The following RP1 variants were observed in gnomAD, a reference collection of about 807,000 sequenced individuals.
The protein encoded by RP1 is RP1 axonemal microtubule associated.
In RP1, 16 loss-of-function variants were observed where a neutral mutation model predicts 14.8. The observed-to-expected ratio is 1.08, with a 90% CI of 0.73 to 1.65. RP1 has a LOEUF of 1.65. Among genes scored for constraint, RP1 ranks in the 40% most tolerant of loss-of-function variants. The probability of loss-of-function intolerance (pLI) is 0.00; values close to 1 mark genes in which losing one functional copy is unlikely to be tolerated. For missense variants in RP1, 2,631 were observed against 2,535.0 expected (o/e 1.04, Z -0.81); for synonymous variants, 876 against 883.6 (o/e 0.99, Z 0.15).
intron 1 of RP1, among the ~76,000 whole-genome samples, chr8:54,573,423 T>C (rs538259163): frequency 6.6e-6 from 1 of 152,220 alleles, no homozygotes; most frequent in African/African-American, 2.4e-5. Context: ...AGACCAAAAA[T>C]AAAAACCTCA....
rs116711455 is a variant in RP1, at chr8:54,731,826, T to A, written c.2522-2719T>A. 2.8e-3 allele frequency among the ~76,000 whole-genome samples: 428 copies of A among 152,282 alleles called. 1 individual carries two copies. Among genetic ancestry groups the A allele is most frequent in the African/African-American group, 9.6e-3 (398 of 41,554 alleles). ...ACTAAATAACTGTGGTCTCTTGATT[T>A]CATTTCAGAGTTTGTTTCTTTGTAT... On this transcript the variant is annotated intron_variant, in intron 17 of 22. Coordinates refer to the RP1 transcript ENST00000636932.
chr8:54,837,433 T>A, intron 24 of RP1: 2 of 1,155,658 alleles, frequency 1.7e-6, no homozygotes, highest in Non-Finnish European at 2.2e-6. Context: ...AGTTCCCTTT[T>A]ATCCTTTGTG....
At chr8:54,734,628 A>T in exon 18 of RP1, 3 of 1,535,754 alleles carry the variant, frequency 2.0e-6, no homozygotes, top group Non-Finnish European at 2.6e-6. Context: ...AAATACAGGA[A>T]CTCAAGCCAA....
intron 24 of RP1, among the ~76,000 whole-genome samples, chr8:54,832,329 T>C (rs1276847181): frequency 1.3e-5 from 2 of 151,884 alleles, no homozygotes; most frequent in African/African-American, 4.8e-5. Context: ...TGTTAAATTG[T>C]TTTACTAATT....
At chr8:54,619,223 C>T (rs1416437110) in intron 1 of RP1, among the ~76,000 whole-genome samples, 2 of 152,146 alleles carry the variant, frequency 1.3e-5, no homozygotes, top group African/African-American at 4.8e-5. Flanking sequence ...AATTTCTAGG[C>T]TGATCTTCAA....
chr8:54,571,215 T>C (rs1205327154), intron 1 of RP1, among the ~76,000 whole-genome samples: 1 of 152,202 alleles, frequency 6.6e-6, no homozygotes, highest in Non-Finnish European at 1.5e-5. Flanking sequence ...CCCATCTCTG[T>C]GTAAACCTCA....
chr8:54,769,812 GAAACCAT>G, exon 23 of RP1: 1 of 1,520,936 alleles, frequency 6.6e-7, no homozygotes, highest in Non-Finnish European at 8.8e-7. Flanking sequence ...GAGGATTACT[GAAACCAT>G]CAGTAGAAGA....
chr8:54,625,349 G>A lies in RP1; in HGVS notation c.1467G>A (p.Arg489=), dbSNP rs1806006047. The part of the protein sequence containing the change: ...MIGQFSYSEE[R]ESGENKSEYH... The stretch of plus-strand genomic sequence containing the variant: ...GACAGTTTTCATATAGTGAAGAAAG[G>A]GAAAGTGGGGAAAACAAGTCTGAGT... Residue 489 remains arginine (R), a synonymous_variant, in exon 4 of 4, where the codon AGG becomes AGA. Coordinates refer to ENST00000220676, the MANE Select transcript of RP1 (RefSeq NM_006269.2). 1 of 1,614,130 alleles carries A rather than the reference G, an allele frequency of 6.2e-7. No individual in the cohort carries two copies. The highest frequency in any genetic ancestry group is 8.5e-7 in the Non-Finnish European group (1 of 1,180,034).
chr8:54,659,453 T>C (rs1300997330), intron 6 of RP1, among the ~76,000 whole-genome samples: 1 of 152,196 alleles, frequency 6.6e-6, no homozygotes, highest in African/African-American at 2.4e-5. Flanking sequence ...TGCATGTGGA[T>C]ATCCAGTTTA....
rs1810615695 is a variant in RP1, at chr8:54,797,971, C to T, written c.3615+14261C>T. Among the ~76,000 whole-genome samples the T allele has an allele frequency of 2.0e-5, 3 of 147,964 alleles. No individual in the cohort carries two copies. The South Asian group carries it at 6.4e-4, about 31-fold the overall frequency. On this transcript the variant is annotated intron_variant, in intron 24 of 28. Coordinates refer to the RP1 transcript ENST00000637698. ...GACACATGTCACATTATAGAACTGG[C>T]TATACATATAGCAGGAGCTCCTCCT...
intron 10 of RP1, chr8:54,679,506 A>C (rs1366945288): frequency 1.3e-6 from 2 of 1,535,846 alleles, no homozygotes. Context: ...AGTAGGTATC[A>C]TGTATACACA....
chr8:54,696,043 C>T (rs1217020921), intron 12 of RP1, among the ~76,000 whole-genome samples: 1 of 151,942 alleles, frequency 6.6e-6, no homozygotes, highest in Non-Finnish European at 1.5e-5. Flanking sequence ...ATAGTAAAAT[C>T]CTTTTAAAAA....
rs1455514871 is a variant in RP1 at position 54,625,976 on chromosome 8, G to C, written c.2094G>C (p.Lys698Asn). Residue 698 changes from lysine to asparagine, a missense_variant, in exon 4 of 4, where the codon AAG (lysine) becomes AAC (asparagine). Lys to Asn is a moderately conservative substitution (Grantham distance 94, BLOSUM62 0). Transcript: ENST00000220676. ...GQLATKGILN[K>N]NERINTKGRI... ...TTGCAACCAAAGGAATTCTTAATAAGAATGAGAGAATAAACACAAAAGGTA... is the reference window on the plus strand; with the variant it reads ...TTGCAACCAAAGGAATTCTTAATAACAATGAGAGAATAAACACAAAAGGTA... 1 of 1,613,926 alleles carries C rather than the reference G, an allele frequency of 6.2e-7. No homozygotes were observed. Among genetic ancestry groups the C allele is most frequent in the East Asian group, 2.2e-5 (1 of 44,856 alleles).
rs142459971 is a variant in RP1, at chr8:54,627,616, G to A, written c.3734G>A (p.Cys1245Tyr). The A allele has an allele frequency of 6.2e-6, 10 of 1,614,074 alleles. No individual in the cohort carries two copies. In the African/African-American group the frequency reaches 9.3e-5, roughly 15 times the overall value. The change falls in exon 4 of 4, where the codon TGT becomes TAT. Residue 1245 changes from cysteine (C) to tyrosine (Y), a missense_variant. By Grantham distance (194) the Cys-to-Tyr change is radical. Coordinates refer to ENST00000220676, the MANE Select transcript of RP1 (RefSeq NM_006269.2). ...GGAGGTTGCTCTGCCAGTGAGGCAT[G>A]TGCCCCTGAAGTCTGTGTTTTGGAA... ...LDGGCSASEA[C>Y]APEVCVLEVT...
intron 20 of RP1, chr8:54,754,974 A>G (rs1809464694): frequency 1.4e-6 from 2 of 1,435,072 alleles, no homozygotes; most frequent in Non-Finnish European, 1.8e-6. Context: ...TTCCATAGAC[A>G]AATTGTTTGG....
chr8:54,666,850 T>A (rs1162401598), intron 7 of RP1, among the ~76,000 whole-genome samples: 4 of 152,072 alleles, frequency 2.6e-5, no homozygotes, highest in Admixed American at 2.0e-4. Context: ...AAGCCCCATC[T>A]GTTCTCAGAG....
rs1246897709 is a variant in RP1, at chr8:54,622,129, C to T, written c.628C>T (p.Gln210Ter). 1 of 1,614,156 alleles carries T rather than the reference C, an allele frequency of 6.2e-7. No homozygotes were observed. The highest frequency in any genetic ancestry group is 8.5e-7 in the Non-Finnish European group (1 of 1,180,006). The change falls in exon 3 of 4, where the codon CAG (glutamine) becomes TAG (stop). Residue 210 changes from glutamine (Q) to a stop codon, truncating the protein, a stop_gained. Transcript: ENST00000220676. LOFTEE classifies it high-confidence loss of function. ...TGGTCTCTTTTAGGTTCCCAGCCTC[C>T]AGGCAGTGATCCTGAGCTCTGGAGC... ...ATDGRRVPSL[Q>*]AVILSSGAVV...
chr8:54,742,593 C>A (rs1443861242), intron 19 of RP1, among the ~76,000 whole-genome samples: 1 of 152,106 alleles, frequency 6.6e-6, no homozygotes, highest in Non-Finnish European at 1.5e-5. Flanking sequence ...TTGAGGAAAC[C>A]ATTTGGTGAC....
At position 54,689,645 on chromosome 8, in the gene RP1, A is replaced by G. The variant is rs1400681204; in HGVS notation, c.1717+9712A>G. On this transcript the variant is annotated intron_variant, in intron 12 of 22. Coordinates refer to the RP1 transcript ENST00000636932. Reference sequence around the variant, plus strand: ...CTCTTGCCATTAAAGTAGAAATAATAACAAATACATAAGCTTGTATATGTA... The same window carrying G: ...CTCTTGCCATTAAAGTAGAAATAATGACAAATACATAAGCTTGTATATGTA... Among the ~76,000 whole-genome samples, 4 of 152,136 alleles carry G rather than the reference A, an allele frequency of 2.6e-5. No individual in the cohort carries two copies. In the East Asian group the frequency reaches 7.7e-4, roughly 29 times the overall value.
Sources: gnomAD v4.1 joint callset for allele counts (sites outside exome capture counted in the v4.1 genomes callset) on GRCh38, gnomAD v4.1.1 for gene constraint, MANE v1.5 for transcripts, NCBI Gene and HGNC (gene_info 2026-07-23, HGNC 2026-07-21) for gene names.